NFKBIA: variants seen among roughly 807,000 people sequenced by gnomAD.
NFKBIA encodes the protein NF-kappa-B inhibitor alpha.
NFKBIA carries 10 observed loss-of-function variants against 36.3 expected under a neutral mutation model. That is an observed-to-expected ratio of 0.28 (90% CI 0.17 to 0.47). NFKBIA has a LOEUF of 0.47. Among genes scored for constraint, NFKBIA ranks in the 20% least tolerant of loss-of-function variants. The pLI is 0.99. For missense variants in NFKBIA, 355 were observed against 399.3 expected (o/e 0.89, Z 0.94); for synonymous variants, 205 against 164.4 (o/e 1.25, Z -1.89).
At chr14:35,403,577 G>T in intron 2 of NFKBIA, 113 bp downstream of exon 2, 1 of 890,996 alleles carries the variant, frequency 1.1e-6, no homozygotes, top group Admixed American at 2.0e-5. Context: ...TGAAGTAAAA[G>T]GTGAGGGTAA....
chr14:35,402,932 AC>A, intron 3 of NFKBIA, 73 bp from the exon 4 acceptor site: 1 of 1,451,612 alleles, frequency 6.9e-7, no homozygotes, highest in Non-Finnish European at 9.6e-7. Flanking sequence ...CTTTTATGGA[AC>A]AAGTAGTCTT....
At chr14:35,403,465 G>C in intron 2 of NFKBIA, 105 bp from the exon 3 acceptor site, 1 of 1,273,058 alleles carries the variant, frequency 7.9e-7, no homozygotes, top group Non-Finnish European at 1.1e-6. Context: ...CTCCTAGACA[G>C]GGGGGTGGGG....
chr14:35,403,382 G>C (rs769811270), intron 2 of NFKBIA, 22 bp from the exon 3 acceptor site: 5 of 1,613,178 alleles, frequency 3.1e-6, no homozygotes, highest in African/African-American at 2.7e-5. Flanking sequence ...AGAGAGACCA[G>C]AGAAAGTAAG....
Position 35,402,382 on chromosome 14 carries a change from TCA to T in NFKBIA, c.906+10_906+11del. Reference sequence around the variant, plus strand: ...TCATTAGTTAGAGCGCCGAAGGAGTTCACAGACTCACCTCGTCCTCTGTGAAC... The same window carrying T: ...TCATTAGTTAGAGCGCCGAAGGAGTTCAGACTCACCTCGTCCTCTGTGAAC... On this transcript the variant is annotated intron_variant, in intron 5 of 5. Coordinates refer to ENST00000216797, the MANE Select transcript of NFKBIA (RefSeq NM_020529.3). 5 of 1,614,080 alleles carry T rather than the reference TCA, an allele frequency of 3.1e-6. No homozygotes were observed. Among genetic ancestry groups the T allele is most frequent in the Non-Finnish European group, 4.2e-6 (5 of 1,180,012 alleles).
At chr14:35,403,022 T>C (rs1282113838) in intron 3 of NFKBIA, 128 bp downstream of exon 3, 1 of 1,292,360 alleles carries the variant, frequency 7.7e-7, no homozygotes, top group African/African-American at 1.5e-5. Context: ...TTTGCACACA[T>C]ATTTTCTCAA....
intron 1 of NFKBIA, 45 bp from the exon 2 acceptor site, chr14:35,403,843 G>C: frequency 7.0e-7 from 1 of 1,437,316 alleles, no homozygotes; most frequent in Non-Finnish European, 9.7e-7. Flanking sequence ...TGAGTGCACC[G>C]CGTGGGGCCC....
In NFKBIA at chr14:35,401,960, A is replaced by C; in HGVS notation, c.*53T>G. ...CTTTTTTCTTTTTTTAGAAAAATAA[A>C]ACTTTTTTTTTGTACAAATATACAA... On this transcript the variant is annotated 3_prime_UTR_variant, in exon 6 of 6. Coordinates refer to ENST00000216797, the MANE Select transcript of NFKBIA (RefSeq NM_020529.3). 1.2e-6 allele frequency: 2 copies of C among 1,600,298 alleles called. No homozygotes were observed. Among genetic ancestry groups the C allele is most frequent in the Non-Finnish European group, 1.7e-6 (2 of 1,169,736 alleles).
rs550394048 is a variant in NFKBIA at position 35,404,362 on chromosome 14, G to A, written c.227+56C>T. ...CCAGGCCCGGCGCCTCCCACCCCCAGGCCGCGCGCGTCCCGCCCTCCCGAC... is the reference window on the plus strand; with the variant it reads ...CCAGGCCCGGCGCCTCCCACCCCCAAGCCGCGCGCGTCCCGCCCTCCCGAC... On this transcript the variant is annotated intron_variant, in intron 1 of 5. Coordinates refer to ENST00000216797, the MANE Select transcript of NFKBIA (RefSeq NM_020529.3). 278 of 578,496 alleles carry A rather than the reference G, an allele frequency of 4.8e-4. No homozygotes were observed. The African/African-American group carries it at 5.2e-3, about 11-fold the overall frequency. 35.8% of individuals were successfully genotyped at this position (578,496 alleles called of 1,614,324 possible).
chr14:35,403,380 CAG>C lies in NFKBIA; in HGVS notation c.337-22_337-21del. On this transcript the variant is annotated intron_variant, in intron 2 of 5. Transcript: ENST00000216797. ...TGGAGTCTACGAATGCAAGAGAGACCAGAGAAAGTAAGCCATGGACCAAACCC... is the reference window on the plus strand; with the variant it reads ...TGGAGTCTACGAATGCAAGAGAGACCAGAAAGTAAGCCATGGACCAAACCC... The C allele has an allele frequency of 6.2e-7, 1 of 1,613,270 alleles. No homozygotes were observed. Among genetic ancestry groups the C allele is most frequent in the Non-Finnish European group, 8.5e-7 (1 of 1,179,684 alleles).
intron 5 of NFKBIA, 147 bp from the exon 6 acceptor site, chr14:35,402,207 T>C: frequency 1.6e-6 from 2 of 1,229,834 alleles, no homozygotes; most frequent in South Asian, 1.2e-5. Context: ...TGAGAGAGTT[T>C]GCCTTTAATG....
chr14:35,403,671 G>C lies in NFKBIA; in HGVS notation c.336+19C>G. 1 of 1,581,294 alleles carries C rather than the reference G, an allele frequency of 6.3e-7. No homozygotes were observed. Reference sequence around the variant, plus strand: ...ACGTCCCAGGGTCAGAGAGAACCCGGGCCAGGCAAGCGGCGCACCTGCTGC... The same window carrying C: ...ACGTCCCAGGGTCAGAGAGAACCCGCGCCAGGCAAGCGGCGCACCTGCTGC... On this transcript the variant is annotated intron_variant, in intron 2 of 5. Coordinates refer to ENST00000216797, the MANE Select transcript of NFKBIA (RefSeq NM_020529.3).
intron 5 of NFKBIA, 64 bp downstream of exon 5, chr14:35,402,330 G>T: frequency 2.5e-6 from 4 of 1,590,698 alleles, no homozygotes; most frequent in Non-Finnish European, 3.5e-6. Context: ...AGCTCTAGGG[G>T]CCTGGGAGGG....
intron 2 of NFKBIA, 56 bp from the exon 3 acceptor site, chr14:35,403,416 A>C: frequency 1.9e-6 from 3 of 1,582,438 alleles, no homozygotes; most frequent in Non-Finnish European, 2.6e-6. Flanking sequence ...CCACACCCCG[A>C]GTTCCCCTCA....
chr14:35,404,044 TG>T (rs2052759959), intron 1 of NFKBIA: 2 of 515,626 alleles, frequency 3.9e-6, no homozygotes, highest in Non-Finnish European at 7.0e-6. Context: ...CGGAACGCCC[TG>T]TACTTCCCCT....
intron 3 of NFKBIA, 123 bp from the exon 4 acceptor site, chr14:35,402,982 AAG>A: frequency 7.8e-7 from 1 of 1,276,392 alleles, no homozygotes; most frequent in Non-Finnish European, 1.1e-6. Flanking sequence ...TGGGTTCTGA[AAG>A]AACTTTATAA....
intron 1 of NFKBIA, 45 bp downstream of exon 1, chr14:35,404,373 T>TA: frequency 2.5e-6 from 2 of 803,534 alleles, no homozygotes; most frequent in Non-Finnish European, 3.7e-6. Flanking sequence ...GCCGCGCGCG[T>TA]CCCGCCCTCC....
chr14:35,402,186 A>G, intron 5 of NFKBIA, 126 bp from the exon 6 acceptor site: 1 of 1,215,466 alleles, frequency 8.2e-7, no homozygotes, highest in Non-Finnish European at 1.2e-6. Context: ...AATATAATGA[A>G]CTTTACAGGC....
In NFKBIA at chr14:35,404,485, G is replaced by A. The variant is rs1211128367; in HGVS notation, c.160C>T (p.Leu54Phe). 6.2e-7 allele frequency: 1 copy of A among 1,603,144 alleles called. No individual in the cohort carries two copies. The highest frequency in any genetic ancestry group is 8.5e-7 in the Non-Finnish European group (1 of 1,175,402). Reference protein sequence around the residue: ...QMVKELQEIRLEPQEVPRGSE... With the variant: ...QMVKELQEIRFEPQEVPRGSE... ...CCGCGCGGCACCTCCTGCGGCTCGA[G>A]GCGGATCTCCTGCAGCTCCTTGACC... is the stretch of plus-strand genomic sequence containing the variant. Residue 54 changes from leucine (L) to phenylalanine (F), a missense_variant, in exon 1 of 6, where the codon CTC becomes TTC. By Grantham distance (22) the Leu-to-Phe change is conservative. Transcript: ENST00000216797.
At chr14:35,404,351 T>TA in intron 1 of NFKBIA, 67 bp downstream of exon 1, 22 of 1,049,822 alleles carry the variant, frequency 2.1e-5, no homozygotes, top group Non-Finnish European at 1.3e-5. Context: ...GCCCGGCGCC[T>TA]CCCACCCCCA....
Sources: gnomAD v4.1 joint callset for allele counts on GRCh38, gnomAD v4.1.1 for gene constraint, MANE v1.5 for transcripts, NCBI Gene and HGNC (gene_info 2026-07-23, HGNC 2026-07-21) for gene names.